Variants in SEPTIN14 observed in about 807,000 individuals in gnomAD.
SEPTIN14 encodes the protein septin-14.
In SEPTIN14, 40 loss-of-function variants were observed where a neutral mutation model predicts 53.6. That is an observed-to-expected ratio of 0.75 (90% CI 0.58 to 0.97). The LOEUF (loss-of-function observed/expected upper bound fraction) is 0.97, where lower values mean the gene tolerates loss of function less well. Ranked by LOEUF, SEPTIN14 falls within the 50% of genes least tolerant of loss-of-function variation. The pLI is 0.00. For missense variants in SEPTIN14, 471 were observed against 508.2 expected (o/e 0.93, Z 0.70); for synonymous variants, 138 against 166.8 (o/e 0.83, Z 1.33).
intron 6 of SEPTIN14, among the ~76,000 whole-genome samples, chr7:55,829,612 A>T (rs547316243): frequency 6.6e-6 from 1 of 152,064 alleles, no homozygotes; most frequent in Non-Finnish European, 1.5e-5. Flanking sequence ...CCCTGCTCGG[A>T]TGTGGCTGGA....
Position 55,805,383 on chromosome 7 carries a change from C to G in SEPTIN14, c.994G>C (p.Glu332Gln). ...GPNNQPVSFQ[E>Q]IFEAKRQEFY... ...TCTTGTCTTTTGGCTTCAAAGATTT[C>G]TTGAAAACTAAAGAGAAATGTTTTC... The change falls in exon 9 of 10, where the codon GAA becomes CAA. Residue 332 changes from glutamate to glutamine, a missense_variant. Physicochemically the swap from Glu to Gln is conservative, Grantham distance 29 (BLOSUM62 2). Coordinates refer to ENST00000388975, the MANE Select transcript of SEPTIN14 (RefSeq NM_207366.3). The G allele has an allele frequency of 3.8e-6, 6 of 1,580,670 alleles. No individual in the cohort carries two copies. The highest frequency in any genetic ancestry group is 5.2e-6 in the Non-Finnish European group (6 of 1,162,392).
chr7:55,815,819 C>G (rs1398242577), intron 7 of SEPTIN14, among the ~76,000 whole-genome samples: 1 of 152,118 alleles, frequency 6.6e-6, no homozygotes, highest in Non-Finnish European at 1.5e-5. Context: ...AATAGAACTA[C>G]CATATGATCC....
At chr7:55,858,100 A>G (rs1226318060) in intron 2 of SEPTIN14, among the ~76,000 whole-genome samples, 2 of 152,196 alleles carry the variant, frequency 1.3e-5, no homozygotes, top group African/African-American at 2.4e-5. Flanking sequence ...GCCTTCATCT[A>G]TGGGTGAAGA....
intron 9 of SEPTIN14, among the ~76,000 whole-genome samples, chr7:55,801,998 CTT>C (rs769073126): frequency 5.7e-5 from 8 of 139,534 alleles, no homozygotes; most frequent in Non-Finnish European, 4.7e-5. Flanking sequence ...AGTATGGTTT[CTT>C]TTTTTTTTTT....
Position 55,844,660 on chromosome 7 carries a change from T to C in SEPTIN14, c.234A>G (p.Lys78=). 6.2e-7 allele frequency: 1 copy of C among 1,611,008 alleles called. No homozygotes were observed. The highest frequency in any genetic ancestry group is 8.5e-7 in the Non-Finnish European group (1 of 1,177,698). The part of the protein sequence containing the change: ...LIDTLFNTNL[K]DNKSSHFYSN... ...AGTAAAAATGTGAGGATTTGTTATC[T>C]TTCAAGTTAGTATTAAACAATGTGT... The change falls in exon 4 of 10, where the codon AAA becomes AAG. Residue 78 remains lysine, a synonymous_variant. Coordinates refer to ENST00000388975, the MANE Select transcript of SEPTIN14 (RefSeq NM_207366.3).
chr7:55,826,436 G>T (rs1788988182), intron 6 of SEPTIN14, among the ~76,000 whole-genome samples: 2 of 152,210 alleles, frequency 1.3e-5, no homozygotes, highest in Non-Finnish European at 2.9e-5. Flanking sequence ...ACAGTGGGAT[G>T]ATTCAATGTA....
At chr7:55,812,039 C>T (rs970771195) in intron 7 of SEPTIN14, among the ~76,000 whole-genome samples, 2 of 152,186 alleles carry the variant, frequency 1.3e-5, no homozygotes, top group Non-Finnish European at 2.9e-5. Flanking sequence ...AAGTGATCCA[C>T]CCGCCTCAGC....
rs376179076 is a variant in SEPTIN14, at chr7:55,844,595, T to G, written c.299A>C (p.Glu100Ala). 12 of 1,610,202 alleles carry G rather than the reference T, an allele frequency of 7.5e-6. No individual in the cohort carries two copies. Among genetic ancestry groups the G allele is most frequent in the East Asian group, 6.7e-5 (3 of 44,850 alleles). ...AGTCAATTTCAACTGAACATTGCTT[T>G]CCTGAAGTTCATATGTCTGAATTTG... The part of the protein sequence containing the change: ...GLQIQTYELQ[E>A]SNVQLKLTVV... The change falls in exon 4 of 10, where the codon GAA (glutamate) becomes GCA (alanine). Residue 100 changes from glutamate to alanine, a missense_variant. Physicochemically the swap from Glu to Ala is moderately radical, Grantham distance 107. Transcript: ENST00000388975.
At chr7:55,812,475 C>A (rs534530848) in intron 7 of SEPTIN14, among the ~76,000 whole-genome samples, 31 of 152,140 alleles carry the variant, frequency 2.0e-4, no homozygotes, top group African/African-American at 7.0e-4. Context: ...TCAAACGGTA[C>A]GAAGTTTTAG....
intron 6 of SEPTIN14, among the ~76,000 whole-genome samples, chr7:55,830,343 A>T (rs372417238): frequency 0.018 from 469 of 26,130 alleles, 19 homozygotes; most frequent in East Asian, 0.064. Flanking sequence ...ATATATATAT[A>T]TATATATTTT....
intron 6 of SEPTIN14, among the ~76,000 whole-genome samples, chr7:55,833,984 A>C (rs995722864): frequency 4.6e-5 from 7 of 152,132 alleles, no homozygotes; most frequent in African/African-American, 1.7e-4. Context: ...AACTACCAAG[A>C]TGGAATGAAG....
intron 5 of SEPTIN14, among the ~76,000 whole-genome samples, chr7:55,836,904 T>A (rs1254286937): frequency 6.6e-6 from 1 of 152,146 alleles, no homozygotes; most frequent in African/African-American, 2.4e-5. Context: ...GAACAATATA[T>A]AGTAAAAGTT....
rs1354871204 is a variant in SEPTIN14, at chr7:55,796,045, T to C, written c.1167A>G (p.Ile389Met). The change falls in exon 10 of 10, where the codon ATA becomes ATG. Residue 389 changes from isoleucine to methionine, a missense_variant. Physicochemically the swap from Ile to Met is conservative, Grantham distance 10. Transcript: ENST00000388975. ...EHLKMIQQEE[I>M]RKLEEEKKQL... ...GTTTTTTCTCTTCCTCGAGCTTCCT[T>C]ATCTCCTCCTGTTGAATCATTTTAA... 1 of 1,505,712 alleles carries C rather than the reference T, an allele frequency of 6.6e-7. No individual in the cohort carries two copies. The highest frequency in any genetic ancestry group is 1.4e-5 in the African/African-American group (1 of 72,974). The allele number at this position is 1,505,712 out of a possible 1,614,324, so 93.3% of individuals were successfully genotyped here.
chr7:55,814,059 GA>G (rs1788752188), intron 7 of SEPTIN14, among the ~76,000 whole-genome samples: 1 of 152,134 alleles, frequency 6.6e-6, no homozygotes, highest in Non-Finnish European at 1.5e-5. Flanking sequence ...CTGTTTGGGA[GA>G]AAGTGAGAAA....
rs548219062 is a variant in SEPTIN14 at position 55,804,487 on chromosome 7, G to A, written c.1119+771C>T. ...TTGGCCAGGCTGGTCTTGAACTCCTGGCTTTAGGGGATCCGCCCGCCTCCA... is the reference window on the plus strand; with the variant it reads ...TTGGCCAGGCTGGTCTTGAACTCCTAGCTTTAGGGGATCCGCCCGCCTCCA... On this transcript the variant is annotated intron_variant, in intron 9 of 9. Coordinates refer to ENST00000388975, the MANE Select transcript of SEPTIN14 (RefSeq NM_207366.3). Among the ~76,000 whole-genome samples, 6 of 152,106 alleles carry A rather than the reference G, an allele frequency of 3.9e-5. No homozygotes were observed. In the South Asian group the frequency reaches 1.2e-3, roughly 32 times the overall value.
chr7:55,838,481 C>T (rs4948081), intron 5 of SEPTIN14, among the ~76,000 whole-genome samples: 25,427 of 149,374 alleles, frequency 0.17, 2,784 homozygotes, highest in Middle Eastern at 0.28. Context: ...TTTTTACTTC[C>T]TTCCCTCCTT....
At chr7:55,842,036 A>G (rs1217481125) in intron 5 of SEPTIN14, among the ~76,000 whole-genome samples, 1 of 152,020 alleles carries the variant, frequency 6.6e-6, no homozygotes, top group Non-Finnish European at 1.5e-5. Flanking sequence ...CCATCTCAAA[A>G]TAAAATAAAA....
At chr7:55,811,370 G>A in intron 7 of SEPTIN14, 1 of 498,576 alleles carries the variant, frequency 2.0e-6, no homozygotes, top group Non-Finnish European at 4.1e-6. Flanking sequence ...TCCCTAAGGA[G>A]TTGGTCTTGG....
At chr7:55,830,349 A>ATATATTTTTTTTTTTTTTTT (rs71015108) in intron 6 of SEPTIN14, among the ~76,000 whole-genome samples, 2 of 56,846 alleles carry the variant, frequency 3.5e-5, no homozygotes, top group African/African-American at 2.0e-4. Context: ...ATATATATAT[A>ATATATTTTTTTTTTTTTTTT]TTTTTTTTTT....
Sources: allele counts gnomAD v4.1 joint callset (sites outside exome capture counted in the v4.1 genomes callset), GRCh38; gene constraint gnomAD v4.1.1; transcripts MANE v1.5; gene names NCBI Gene and HGNC (gene_info 2026-07-23, HGNC 2026-07-21).